The following LPA variants were observed in gnomAD, a reference collection of about 807,000 sequenced individuals.
LPA encodes the protein lipoprotein(a), also known as apolipoprotein(a).
Under a neutral mutation model 197.9 loss-of-function variants are expected in LPA, and 199 were observed. That is an observed-to-expected ratio of 1.01 (90% CI 0.90 to 1.13). The LOEUF (loss-of-function observed/expected upper bound fraction) is 1.13. Among genes scored for constraint, LPA ranks in the 50% most tolerant of loss-of-function variants. The pLI, the probability that LPA is intolerant of heterozygous loss-of-function variation, is 0.00. For synonymous variants in LPA, 715 were observed against 639.5 expected, an observed-to-expected ratio of 1.12 and a Z score of -1.78; for missense variants, 1,853 against 1,785.8, an observed-to-expected ratio of 1.04 and a Z score of -0.68.
chr6:160,609,939 C>A (rs1355598935), intron 16 of LPA, among the ~76,000 whole-genome samples: 1 of 152,038 alleles, frequency 6.6e-6, no homozygotes, highest in South Asian at 2.1e-4. Context: ...GTAATTTCTT[C>A]ATTTAAGACA....
intron 28 of LPA, among the ~76,000 whole-genome samples, chr6:160,574,166 C>T (rs1321227567): frequency 2.6e-5 from 4 of 152,080 alleles, no homozygotes; most frequent in Admixed American, 6.6e-5. Context: ...TCTGAGTTGT[C>T]GGGGAAGTGG....
At chr6:160,545,315 G>C (rs9365169) in intron 33 of LPA, 125 bp downstream of exon 33, 332,051 of 703,280 alleles carry the variant, frequency 0.47, 79,988 homozygotes, top group South Asian at 0.5. Context: ...GGCTCTGGTG[G>C]AGAGGGCAGC....
chr6:160,568,460 T>A (rs561592094), intron 28 of LPA, among the ~76,000 whole-genome samples: 4 of 152,162 alleles, frequency 2.6e-5, no homozygotes, highest in Non-Finnish European at 2.9e-5. Flanking sequence ...GAACTCTCAA[T>A]AAACTATGTA....
At chr6:160,571,281 G>T (rs1156654450) in intron 28 of LPA, among the ~76,000 whole-genome samples, 1 of 152,100 alleles carries the variant, frequency 6.6e-6, no homozygotes, top group Non-Finnish European at 1.5e-5. Context: ...CCTTTTTCAA[G>T]GTTCTTAGCT....
chr6:160,654,060 A>ATTATATATAATATATATTATATAT (rs1780080283), intron 1 of LPA, among the ~76,000 whole-genome samples: 1 of 12,210 alleles, frequency 8.2e-5, no homozygotes, highest in African/African-American at 2.7e-4. Flanking sequence ...AATATATTAT[A>ATTATATATAATATATATTATATAT]TATATTATAT....
At chr6:160,586,739 A>G in intron 24 of LPA, 109 bp from the exon 25 acceptor site, 2 of 1,475,264 alleles carry the variant, frequency 1.4e-6, no homozygotes, top group South Asian at 1.1e-5. Flanking sequence ...AATTTGAAAT[A>G]TTCTCACTAA....
chr6:160,554,301 A>G (rs1425110591), intron 30 of LPA, among the ~76,000 whole-genome samples: 1 of 152,012 alleles, frequency 6.6e-6, no homozygotes, highest in Non-Finnish European at 1.5e-5. Flanking sequence ...TATGGATCAC[A>G]CTAATTGCTT....
intron 16 of LPA, among the ~76,000 whole-genome samples, chr6:160,608,371 T>C (rs1018592034): frequency 1.1e-4 from 16 of 152,196 alleles, no homozygotes; most frequent in African/African-American, 2.7e-4. Flanking sequence ...GCATTCTTGG[T>C]TGATCTCTTC....
chr6:160,533,488 C>T (rs1777838272), intron 37 of LPA, among the ~76,000 whole-genome samples: 1 of 152,158 alleles, frequency 6.6e-6, no homozygotes, highest in Admixed American at 6.5e-5. Context: ...CCAAATGCTT[C>T]CTCCCCATGC....
In LPA at chr6:160,594,176, AG is replaced by A. The variant is rs1202841943; in HGVS notation, c.3470-60del. ...ATTTCTAGAACACAGAAGCATCAGA[AG>A]AAATCTGTGACTGAAACAGGATCAT... On this transcript the variant is annotated intron_variant, in intron 21 of 38. Coordinates refer to ENST00000316300, the MANE Select transcript of LPA (RefSeq NM_005577.4). 3.1e-6 allele frequency: 5 copies of A among 1,602,380 alleles called. No individual in the cohort carries two copies. The African/African-American group carries it at 5.4e-5, about 17-fold the overall frequency.
At chr6:160,580,922 C>A (rs1778782217) in intron 26 of LPA, among the ~76,000 whole-genome samples, 1 of 152,132 alleles carries the variant, frequency 6.6e-6, no homozygotes, top group Admixed American at 6.6e-5. Context: ...TGAATGTCCA[C>A]ATTATCATTT....
At chr6:160,559,377 G>C (rs1464021242) in intron 28 of LPA, among the ~76,000 whole-genome samples, 3 of 152,188 alleles carry the variant, frequency 2.0e-5, no homozygotes, top group Non-Finnish European at 4.4e-5. Context: ...GTATTCAAGT[G>C]TACCAGTAGG....
intron 28 of LPA, 28 bp downstream of exon 28, chr6:160,577,108 C>T: frequency 6.2e-7 from 1 of 1,611,510 alleles, no homozygotes. Flanking sequence ...GGCTGTTGCT[C>T]CTCTTATGGT....
intron 35 of LPA, among the ~76,000 whole-genome samples, chr6:160,540,789 G>A (rs1257852177): frequency 6.6e-6 from 1 of 152,188 alleles, no homozygotes; most frequent in Non-Finnish European, 1.5e-5. Flanking sequence ...TTGCTCTAGA[G>A]CAATGCAATA....
chr6:160,545,669 A>AT (rs990176876), intron 32 of LPA, 136 bp from the exon 33 acceptor site: 8 of 683,436 alleles, frequency 1.2e-5, no homozygotes, highest in Admixed American at 2.3e-5. Flanking sequence ...TCATTATTAT[A>AT]TTTTTTGACA....
At chr6:160,564,287 T>C (rs1451525466) in intron 28 of LPA, among the ~76,000 whole-genome samples, 3 of 152,260 alleles carry the variant, frequency 2.0e-5, no homozygotes, top group African/African-American at 4.8e-5. Flanking sequence ...CAGCATTTGC[T>C]TGTTTGTAAA....
At chr6:160,548,937 T>A (rs1778125147) in intron 30 of LPA, among the ~76,000 whole-genome samples, 3 of 152,170 alleles carry the variant, frequency 2.0e-5, no homozygotes, top group Admixed American at 6.5e-5. Flanking sequence ...CGAGACAGAC[T>A]GGGTAAGTTA....
rs567064565 is a variant in LPA, at chr6:160,591,119, A to T, written c.3630-18T>A. 6.2e-7 allele frequency: 1 copy of T among 1,612,956 alleles called. No homozygotes were observed. The highest frequency in any genetic ancestry group is 1.3e-5 in the African/African-American group (1 of 75,004). ...TCAGGCCACTGCAAATTACAAAACA[A>T]TACAGTTCACCAGAGATGGGAGAAG... On this transcript the variant is annotated intron_variant, in intron 22 of 38. Coordinates refer to ENST00000316300, the MANE Select transcript of LPA (RefSeq NM_005577.4).
chr6:160,537,103 GAGACTTTAAGACAGT>G (rs1435532605), intron 37 of LPA, among the ~76,000 whole-genome samples: 2 of 152,170 alleles, frequency 1.3e-5, no homozygotes, highest in Admixed American at 6.5e-5. Flanking sequence ...AAGTAGAGCT[GAGACTTTAAGACAGT>G]TTCAGTTTTC....
Sources: gnomAD v4.1 joint callset for allele counts (sites outside exome capture counted in the v4.1 genomes callset) on GRCh38, gnomAD v4.1.1 for gene constraint, MANE v1.5 for transcripts, NCBI Gene and HGNC (gene_info 2026-07-23, HGNC 2026-07-21) for gene names.